Variants in ANKS1A observed in about 807,000 individuals in gnomAD.
The protein encoded by ANKS1A is ankyrin repeat and sterile alpha motif domain containing 1A.
In ANKS1A, 55 loss-of-function variants were observed where a neutral mutation model predicts 120.3. The observed-to-expected ratio is 0.46, with a 90% CI of 0.37 to 0.57. ANKS1A has a LOEUF of 0.57. ANKS1A is among the 20% of genes least tolerant of loss of function. The probability of loss-of-function intolerance (pLI) is 0.00; values close to 1 mark genes in which losing one functional copy is unlikely to be tolerated. For missense variants in ANKS1A, 1,123 were observed against 1,480.3 expected (o/e 0.76, Z 3.96); for synonymous variants, 590 against 604.7 (o/e 0.98, Z 0.36).
Position 34,994,344 on chromosome 6 carries a change from G to A in ANKS1A, c.1345G>A (p.Glu449Lys), listed in dbSNP as rs367652374. Residue 449 changes from glutamate to lysine, a missense_variant, in exon 10 of 24, where the codon GAA (glutamate) becomes AAA (lysine). Coordinates refer to ENST00000360359, the MANE Select transcript of ANKS1A (RefSeq NM_015245.3). ...RPRIHGSAAR[E>K]EDEHPYELLL... ...TAGGATTCATGGGAGTGCAGCCCGGGAAGAAGACGAACACCCTTATGAACT... is the reference window on the plus strand; with the variant it reads ...TAGGATTCATGGGAGTGCAGCCCGGAAAGAAGACGAACACCCTTATGAACT... 32 of 1,613,644 alleles carry A rather than the reference G, an allele frequency of 2.0e-5. No homozygotes were observed. Among genetic ancestry groups the A allele is most frequent in the Non-Finnish European group, 2.3e-5 (27 of 1,179,748 alleles).
intron 1 of ANKS1A, among the ~76,000 whole-genome samples, chr6:34,955,904 T>C (rs1394774130): frequency 1.3e-5 from 2 of 152,194 alleles, no homozygotes; most frequent in East Asian, 3.8e-4. Context: ...AAGCTGTTTT[T>C]TTACTCTCAA....
At position 34,982,703 on chromosome 6, in the gene ANKS1A, C is replaced by A; in HGVS notation, c.733-49C>A. On this transcript the variant is annotated intron_variant, in intron 4 of 23. Transcript: ENST00000360359. The surrounding 1 kb of genome is among the most constrained non-coding windows in gnomAD (Gnocchi z 4.9). ...GTCCCCTTTGTCACGTGAAGCCGCA[C>A]CAAACTGTTCTGATGACATCCCGCT... The A allele has an allele frequency of 6.2e-7, 1 of 1,600,434 alleles. No homozygotes were observed. Among genetic ancestry groups the A allele is most frequent in the Middle Eastern group, 1.7e-4 (1 of 6,042 alleles).
intron 7 of ANKS1A, among the ~76,000 whole-genome samples, chr6:34,984,074 G>A (rs966578469): frequency 6.6e-6 from 1 of 152,132 alleles, no homozygotes; most frequent in African/African-American, 2.4e-5. Flanking sequence ...GATTACAGGC[G>A]TGAGCCACCG....
intron 1 of ANKS1A, among the ~76,000 whole-genome samples, chr6:34,933,684 T>G (rs1420142303): frequency 6.6e-6 from 1 of 152,232 alleles, no homozygotes; most frequent in Non-Finnish European, 1.5e-5. Context: ...TGTAACAGTG[T>G]TTTGGAAGCA....
At chr6:34,909,671 G>A (rs567894074) in intron 1 of ANKS1A, among the ~76,000 whole-genome samples, 11 of 152,324 alleles carry the variant, frequency 7.2e-5, no homozygotes, top group South Asian at 6.2e-4. Flanking sequence ...TCTTCTGATG[G>A]GGGAGATAGA....
intron 1 of ANKS1A, among the ~76,000 whole-genome samples, chr6:34,962,631 CA>C (rs886133970): frequency 1.3e-5 from 2 of 151,144 alleles, no homozygotes; most frequent in African/African-American, 4.8e-5. Flanking sequence ...ACTAAAAATA[CA>C]AAAAAAATTA....
intron 11 of ANKS1A, among the ~76,000 whole-genome samples, chr6:35,032,359 G>C (rs146807399): frequency 2.0e-5 from 3 of 152,318 alleles, no homozygotes; most frequent in Non-Finnish European, 4.4e-5. Flanking sequence ...CTTTGAGCTT[G>C]ACAGGTCTTT....
chr6:34,922,302 C>T (rs1315305368), intron 1 of ANKS1A, among the ~76,000 whole-genome samples: 1 of 152,074 alleles, frequency 6.6e-6, no homozygotes, highest in African/African-American at 2.4e-5. Flanking sequence ...AGAGAGGCTG[C>T]GTAATATGTC....
chr6:35,016,935 CTTTTTT>C (rs558659921), intron 10 of ANKS1A, among the ~76,000 whole-genome samples: 3 of 87,372 alleles, frequency 3.4e-5, no homozygotes, highest in Non-Finnish European at 7.1e-5. Context: ...ATCATGACCT[CTTTTTT>C]TTTTTTTTTT....
rs1021180322 is a variant in ANKS1A at position 35,087,224 on chromosome 6, C to A, written c.3401+175C>A. ...GGCGGGCGGCAGCGTAGACGCTGTA[C>A]ACTTGCAGCTCTCGCACCTACCACC... On this transcript the variant is annotated intron_variant, in intron 23 of 23. Coordinates refer to ENST00000360359, the MANE Select transcript of ANKS1A (RefSeq NM_015245.3). Among the ~76,000 whole-genome samples the A allele has an allele frequency of 5.3e-4, 81 of 151,580 alleles. 2 individuals are homozygous for A. Among genetic ancestry groups the A allele is most frequent in the Middle Eastern group, 3.4e-3 (1 of 294 alleles).
intron 1 of ANKS1A, among the ~76,000 whole-genome samples, chr6:34,911,436 C>T (rs1767902957): frequency 6.6e-6 from 1 of 152,114 alleles, no homozygotes; most frequent in African/African-American, 2.4e-5. Context: ...AATCTCCTTC[C>T]TTGTGCACAG....
chr6:35,097,257 C>G, the ANKS1A span, among the ~76,000 whole-genome samples: 1 of 19,860 alleles, frequency 5.0e-5, no homozygotes, highest in Admixed American at 5.3e-4. Flanking sequence ...AGGTTTAATC[C>G]CAGCACTTTG....
intron 1 of ANKS1A, among the ~76,000 whole-genome samples, chr6:34,953,984 A>G (rs1229474409): frequency 6.6e-6 from 1 of 152,224 alleles, no homozygotes. Context: ...AAGTAAGTTG[A>G]ATTAAATAAG....
intron 1 of ANKS1A, among the ~76,000 whole-genome samples, chr6:34,916,023 T>C (rs1346465170): frequency 1.4e-5 from 2 of 148,098 alleles, no homozygotes; most frequent in Non-Finnish European, 3.0e-5. Context: ...GATGGAGTCT[T>C]GCTCTGTTGC....
intron 1 of ANKS1A, among the ~76,000 whole-genome samples, chr6:34,894,056 GGA>G (rs1199700757): frequency 1.3e-5 from 2 of 152,132 alleles, no homozygotes; most frequent in Non-Finnish European, 2.9e-5. Context: ...TGGATTGCAT[GGA>G]TTATACTTTA....
intron 11 of ANKS1A, among the ~76,000 whole-genome samples, chr6:35,033,598 G>T (rs1775008494): frequency 1.3e-5 from 2 of 152,162 alleles, no homozygotes; most frequent in South Asian, 4.1e-4. Flanking sequence ...CTTCCTGAAG[G>T]TTCAATTAGA....
intron 7 of ANKS1A, 51 bp from the exon 8 acceptor site, chr6:34,985,031 T>G: frequency 6.4e-7 from 1 of 1,560,378 alleles, no homozygotes; most frequent in Non-Finnish European, 8.7e-7. Flanking sequence ...GGTTGGAACC[T>G]GAGATTCTGC....
intron 1 of ANKS1A, among the ~76,000 whole-genome samples, chr6:34,911,053 T>C (rs565720022): frequency 3.1e-4 from 47 of 152,316 alleles, no homozygotes; most frequent in African/African-American, 1.1e-3. Flanking sequence ...CCATTACTTA[T>C]TTTGGTGTGC....
At position 35,089,102 on chromosome 6, in the gene ANKS1A, G is replaced by A; in HGVS notation, c.*493G>A. 1 of 1,037,860 alleles carries A rather than the reference G, an allele frequency of 9.6e-7. No individual in the cohort carries two copies. Among genetic ancestry groups the A allele is most frequent in the South Asian group, 3.7e-5 (1 of 26,914 alleles). The allele number at this position is 1,037,860 out of a possible 1,614,324, so 64.3% of individuals were successfully genotyped here. A position where few individuals can be genotyped will look rare whatever the true frequency, so the allele number is the denominator to read the frequency against. Reference sequence around the variant, plus strand: ...GTGGCCTGTGGGTGAGGGGAACGGAGCAGGCTCAGGCAGAATTGAGTACGG... The same window carrying A: ...GTGGCCTGTGGGTGAGGGGAACGGAACAGGCTCAGGCAGAATTGAGTACGG... On this transcript the variant is annotated 3_prime_UTR_variant, in exon 24 of 24. Coordinates refer to ENST00000360359, the MANE Select transcript of ANKS1A (RefSeq NM_015245.3).
Sources: allele counts gnomAD v4.1 joint callset (sites outside exome capture counted in the v4.1 genomes callset), GRCh38; gene constraint gnomAD v4.1.1; non-coding constraint Gnocchi (gnomAD v3.1); transcripts MANE v1.5; gene names NCBI Gene and HGNC (gene_info 2026-07-23, HGNC 2026-07-21).